Variants in MEI4 observed in about 807,000 individuals in gnomAD.
MEI4 encodes meiotic double-stranded break formation protein 4.
A neutral mutation model predicts 31.4 loss-of-function variants in MEI4; 27 were observed. The ratio of observed to expected loss-of-function variants is 0.86; its 90% CI spans 0.63 to 1.19. MEI4 has a LOEUF of 1.19. Among genes scored for constraint, MEI4 ranks in the 50% most tolerant of loss-of-function variants. The probability of loss-of-function intolerance (pLI) is 0.00; values close to 1 mark genes in which losing one functional copy is unlikely to be tolerated. For synonymous variants in MEI4, 122 were observed against 145.4 expected (o/e 0.84, Z 1.16); for missense variants, 329 against 398.9 (o/e 0.82, Z 1.49).
chr6:77,887,243 A>AT (rs34204849), intron 4 of MEI4, among the ~76,000 whole-genome samples: 10,921 of 133,574 alleles, frequency 0.082, 933 homozygotes, highest in East Asian at 0.42. Flanking sequence ...CATTTTGTTT[A>AT]TTTTTTTTTT....
chr6:77,766,305 G>A (rs1768172821), intron 3 of MEI4, among the ~76,000 whole-genome samples: 1 of 152,130 alleles, frequency 6.6e-6, no homozygotes, highest in Non-Finnish European at 1.5e-5. Flanking sequence ...TGAAGTTGGT[G>A]ATTCCCTCTA....
chr6:77,669,189 G>A (rs1465881594), intron 1 of MEI4, among the ~76,000 whole-genome samples: 2 of 151,920 alleles, frequency 1.3e-5, no homozygotes, highest in Non-Finnish European at 2.9e-5. Flanking sequence ...TGGCTTTCTA[G>A]TTTAGCACCC....
intron 4 of MEI4, among the ~76,000 whole-genome samples, chr6:77,902,380 C>T (rs899954280): frequency 5.3e-5 from 8 of 152,074 alleles, no homozygotes; most frequent in African/African-American, 1.9e-4. Flanking sequence ...TCTTCAATAT[C>T]TTTAATCAGA....
rs897473131 is a variant in MEI4, at chr6:77,835,046, T to C, written c.900+5984T>C. 1.4e-4 allele frequency among the ~76,000 whole-genome samples: 22 copies of C among 151,754 alleles called. 1 individual carries two copies. In the East Asian group the frequency reaches 4.1e-3, roughly 28 times the overall value. On this transcript the variant is annotated intron_variant, in intron 4 of 4. Coordinates refer to ENST00000684080, the MANE Select transcript of MEI4 (RefSeq NM_001322247.2). Reference sequence around the variant, plus strand: ...TTTTTGACTATTACTATAATTATCTTTTATATTTTTCCCACCAGCCTGATC... The same window carrying C: ...TTTTTGACTATTACTATAATTATCTCTTATATTTTTCCCACCAGCCTGATC...
chr6:77,789,259 A>G (rs1440169970), intron 3 of MEI4, among the ~76,000 whole-genome samples: 1 of 152,210 alleles, frequency 6.6e-6, no homozygotes, highest in African/African-American at 2.4e-5. Context: ...TCAATTCAAG[A>G]TGGATTAAAG....
Position 77,787,436 on chromosome 6 carries a change from A to G in MEI4, c.768+25771A>G, listed in dbSNP as rs181940418. Reference sequence around the variant, plus strand: ...AGCCCCTGGTGGTTGGTGGGGTGGTAGCCATCCCAACAGCCTTGGACCTCA... The same window carrying G: ...AGCCCCTGGTGGTTGGTGGGGTGGTGGCCATCCCAACAGCCTTGGACCTCA... On this transcript the variant is annotated intron_variant, in intron 3 of 4. Transcript: ENST00000684080. Among the ~76,000 whole-genome samples, 286 of 152,300 alleles carry G rather than the reference A, an allele frequency of 1.9e-3. 3 individuals carry two copies. Among genetic ancestry groups the G allele is most frequent in the African/African-American group, 6.1e-3 (253 of 41,574 alleles).
intron 2 of MEI4, among the ~76,000 whole-genome samples, chr6:77,759,195 A>G (rs1457273575): frequency 6.6e-6 from 1 of 152,080 alleles, no homozygotes; most frequent in East Asian, 1.9e-4. Context: ...GACTTTTATG[A>G]CACAATCATT....
chr6:77,702,094 T>C (rs1440433013), intron 2 of MEI4, among the ~76,000 whole-genome samples: 1 of 152,162 alleles, frequency 6.6e-6, no homozygotes, highest in Admixed American at 6.5e-5. Context: ...GCTAGACTAG[T>C]GGTGACAAGA....
intron 1 of MEI4, among the ~76,000 whole-genome samples, chr6:77,674,423 T>C (rs1037708074): frequency 9.2e-5 from 14 of 152,116 alleles, no homozygotes; most frequent in Non-Finnish European, 1.3e-4. Flanking sequence ...TACTGTAAGA[T>C]TATAATACCA....
intron 4 of MEI4, among the ~76,000 whole-genome samples, chr6:77,834,472 TTATAA>T (rs1203079871): frequency 6.7e-6 from 1 of 148,766 alleles, no homozygotes. Flanking sequence ...TTATAAGATT[TTATAA>T]TATAATTTTG....
At chr6:77,811,804 A>T (rs1472730495) in intron 3 of MEI4, among the ~76,000 whole-genome samples, 2 of 152,044 alleles carry the variant, frequency 1.3e-5, no homozygotes, top group African/African-American at 2.4e-5. Context: ...TACTTTTGAT[A>T]CATATTAAGA....
intron 4 of MEI4, among the ~76,000 whole-genome samples, chr6:77,869,784 A>G (rs1771148321): frequency 6.6e-6 from 1 of 152,162 alleles, no homozygotes; most frequent in Admixed American, 6.6e-5. Flanking sequence ...TATTTGATGA[A>G]GAGAATATCA....
At chr6:77,790,774 T>C (rs113731207) in intron 3 of MEI4, among the ~76,000 whole-genome samples, 2,185 of 152,210 alleles carry the variant, frequency 0.014, 55 homozygotes, top group African/African-American at 0.05. Flanking sequence ...AAAAAAATTG[T>C]ATCTAATAGA....
intron 4 of MEI4, among the ~76,000 whole-genome samples, chr6:77,905,373 A>C (rs1160449002): frequency 6.6e-6 from 1 of 151,574 alleles, no homozygotes; most frequent in Non-Finnish European, 1.5e-5. Context: ...CATGGCTATA[A>C]TATGTCTTGT....
chr6:77,777,330 C>T (rs558996486), intron 3 of MEI4, among the ~76,000 whole-genome samples: 2 of 152,164 alleles, frequency 1.3e-5, no homozygotes, highest in Admixed American at 1.3e-4. Context: ...TAAATTAGCT[C>T]TACTAGTTAC....
chr6:77,921,794 G>C (rs1056674939), intron 4 of MEI4, among the ~76,000 whole-genome samples: 2 of 151,744 alleles, frequency 1.3e-5, no homozygotes, highest in Admixed American at 6.6e-5. Flanking sequence ...TGGCCAATTG[G>C]TGAAGCAGTC....
At chr6:77,666,787 G>A (rs1425742871) in intron 1 of MEI4, among the ~76,000 whole-genome samples, 2 of 152,110 alleles carry the variant, frequency 1.3e-5, no homozygotes, top group African/African-American at 4.8e-5. Context: ...TCTCACTGGG[G>A]AAGTCTTTAG....
At chr6:77,830,821 G>T (rs929873697) in intron 4 of MEI4, among the ~76,000 whole-genome samples, 2 of 151,988 alleles carry the variant, frequency 1.3e-5, no homozygotes, top group Non-Finnish European at 2.9e-5. Flanking sequence ...ACTGGGAAGT[G>T]CTGTAGGACA....
intron 3 of MEI4, among the ~76,000 whole-genome samples, chr6:77,827,222 T>A (rs549031852): frequency 1.1e-4 from 16 of 151,308 alleles, no homozygotes; most frequent in Non-Finnish European, 2.2e-4. Flanking sequence ...TAGCTGGGTG[T>A]GGTGGCGGGT....
Sources: allele counts gnomAD v4.1 joint callset (sites outside exome capture counted in the v4.1 genomes callset), GRCh38; gene constraint gnomAD v4.1.1; transcripts MANE v1.5; gene names NCBI Gene and HGNC (gene_info 2026-07-23, HGNC 2026-07-21).